PCNX1: variants seen among roughly 807,000 people sequenced by gnomAD.
PCNX1 encodes the protein pecanex-like protein 1.
Under a neutral mutation model 242.2 loss-of-function variants are expected in PCNX1, and 78 were observed. The observed-to-expected ratio is 0.32, with a 90% CI of 0.27 to 0.39. PCNX1 has a LOEUF of 0.39. PCNX1 is among the 10% of genes least tolerant of loss of function. The probability of loss-of-function intolerance (pLI) is 1.00; values close to 1 mark genes in which losing one functional copy is unlikely to be tolerated. For synonymous variants in PCNX1, 1,024 were observed against 1,032.9 expected (o/e 0.99, Z 0.17); for missense variants, 2,581 against 2,856.5 (o/e 0.90, Z 2.20).
rs2060906960 is a variant in PCNX1 at position 71,047,832 on chromosome 14, G to A, written c.4186G>A (p.Ala1396Thr). ...ATTAGGTGCTTTAATGATCACTGTT[G>A]CTGGTTTGAAGTTGCTACGATCCTC... ...TELGALMITV[A>T]GLKLLRSSFS... Residue 1396 changes from alanine (A) to threonine (T), a missense_variant, in exon 22 of 36, where the codon GCT becomes ACT. Ala to Thr is a moderately conservative substitution (Grantham distance 58). Coordinates refer to ENST00000304743, the MANE Select transcript of PCNX1 (RefSeq NM_014982.3). 3.1e-6 allele frequency: 5 copies of A among 1,612,318 alleles called. No homozygotes were observed. Among genetic ancestry groups the A allele is most frequent in the Non-Finnish European group, 4.2e-6 (5 of 1,178,852 alleles).
At chr14:70,938,836 C>T (rs1173467500) in intron 1 of PCNX1, among the ~76,000 whole-genome samples, 2 of 152,144 alleles carry the variant, frequency 1.3e-5, no homozygotes, top group African/African-American at 4.8e-5. Flanking sequence ...AGGGATTCAA[C>T]TTCTTCCTGA....
intron 30 of PCNX1, among the ~76,000 whole-genome samples, chr14:71,092,188 G>A (rs957741252): frequency 1.3e-5 from 2 of 152,216 alleles, no homozygotes; most frequent in Non-Finnish European, 2.9e-5. Flanking sequence ...TTAAGGACAA[G>A]TGTGGAAAAA....
In PCNX1 at chr14:70,949,256, C is replaced by T. The variant is rs573461171; in HGVS notation, c.362+2133C>T. On this transcript the variant is annotated intron_variant, in intron 2 of 35. Coordinates refer to ENST00000304743, the MANE Select transcript of PCNX1 (RefSeq NM_014982.3). ...ATGTGTATATACACACGTGTATACA[C>T]ACACACGTGTATGCACACACGTGTA... 9.8e-3 allele frequency among the ~76,000 whole-genome samples: 233 copies of T among 23,846 alleles called. 1 individual carries two copies. The highest frequency in any genetic ancestry group is 0.026 in the African/African-American group (214 of 8,096). The allele number at this position is 23,846 out of a possible 152,430, so 15.6% of individuals were successfully genotyped here.
At chr14:71,005,294 A>G (rs768739725) in intron 8 of PCNX1, among the ~76,000 whole-genome samples, 1 of 152,144 alleles carries the variant, frequency 6.6e-6, no homozygotes, top group Non-Finnish European at 1.5e-5. Flanking sequence ...ACTTAGGCCC[A>G]GGAATTCGAG....
rs1393141265 is a variant in PCNX1 at position 71,111,621 on chromosome 14, T to C, written c.*1686T>C. ...CAATTCTGATGTAGATCTCACATTA[T>C]AGCATAACATTACAGTAGAAGGAAT... On this transcript the variant is annotated 3_prime_UTR_variant, in exon 36 of 36. Coordinates refer to ENST00000304743, the MANE Select transcript of PCNX1 (RefSeq NM_014982.3). 6.6e-6 allele frequency: 1 copy of C among 151,692 alleles called. No individual in the cohort carries two copies. The highest frequency in any genetic ancestry group is 1.5e-5 in the Non-Finnish European group (1 of 67,854). 9.4% of individuals were successfully genotyped at this position (151,692 alleles called of 1,614,324 possible).
chr14:71,050,833 AC>A, intron 23 of PCNX1, 73 bp downstream of exon 23: 1 of 1,352,354 alleles, frequency 7.4e-7, no homozygotes. Context: ...TATAGGCATG[AC>A]CTTTCATGGT....
At chr14:70,947,625 G>A (rs922090819) in intron 2 of PCNX1, among the ~76,000 whole-genome samples, 1 of 152,088 alleles carries the variant, frequency 6.6e-6, no homozygotes, top group African/African-American at 2.4e-5. Flanking sequence ...AGCTGAGGAT[G>A]TATCTCGTCT....
chr14:70,945,160 G>A (rs574460851), intron 1 of PCNX1, among the ~76,000 whole-genome samples: 1 of 152,214 alleles, frequency 6.6e-6, no homozygotes, highest in East Asian at 1.9e-4. Context: ...CTATCCAGGA[G>A]TCCCCAGGCA....
intron 7 of PCNX1, among the ~76,000 whole-genome samples, chr14:70,994,402 T>G (rs1292692586): frequency 9.7e-5 from 4 of 41,180 alleles, no homozygotes; most frequent in South Asian, 5.8e-4. Flanking sequence ...TTAAGATATA[T>G]ATATATATAT....
intron 5 of PCNX1, 34 bp from the exon 6 acceptor site, chr14:70,976,908 T>C: frequency 6.3e-7 from 1 of 1,576,520 alleles, no homozygotes. Context: ...ATCATACATT[T>C]ATTTTAACAT....
At chr14:71,043,709 T>C (rs1406727321) in intron 19 of PCNX1, among the ~76,000 whole-genome samples, 2 of 152,216 alleles carry the variant, frequency 1.3e-5, no homozygotes, top group East Asian at 3.8e-4. Flanking sequence ...GTTGAGTTTC[T>C]CATTTAGGTC....
intron 26 of PCNX1, among the ~76,000 whole-genome samples, chr14:71,071,922 AGAGG>A (rs1360216293): frequency 6.6e-6 from 1 of 152,178 alleles, no homozygotes; most frequent in Non-Finnish European, 1.5e-5. Flanking sequence ...AGGCCTGAAA[AGAGG>A]GAGAGGTAGG....
At chr14:71,082,510 A>G (rs1348823496) in intron 28 of PCNX1, among the ~76,000 whole-genome samples, 4 of 152,106 alleles carry the variant, frequency 2.6e-5, no homozygotes, top group African/African-American at 9.7e-5. Flanking sequence ...TAGGTCTCTA[A>G]GGACTTGCTT....
intron 1 of PCNX1, among the ~76,000 whole-genome samples, chr14:70,939,414 T>C (rs2057142261): frequency 6.6e-6 from 1 of 152,232 alleles, no homozygotes; most frequent in Non-Finnish European, 1.5e-5. Context: ...AGGAGCAGGT[T>C]GTACAGTTTC....
chr14:70,973,873 A>G (rs1170988754), intron 5 of PCNX1, among the ~76,000 whole-genome samples: 1 of 152,044 alleles, frequency 6.6e-6, no homozygotes, highest in Non-Finnish European at 1.5e-5. Context: ...CTTTGATATA[A>G]TTCAGTGGTT....
At chr14:71,037,723 C>G (rs574109537) in intron 19 of PCNX1, among the ~76,000 whole-genome samples, 3 of 151,972 alleles carry the variant, frequency 2.0e-5, no homozygotes, top group Non-Finnish European at 4.4e-5. Context: ...GAAAAAACTA[C>G]TTTAAAGTTC....
chr14:71,109,320 A>G, intron 34 of PCNX1, 132 bp from the exon 35 acceptor site: 1 of 884,038 alleles, frequency 1.1e-6, no homozygotes, highest in Middle Eastern at 3.5e-4. Flanking sequence ...GTAGCTCTTA[A>G]GATTTTTTTT....
At position 70,978,335 on chromosome 14, in the gene PCNX1, T is replaced by C; in HGVS notation, c.1998T>C (p.Pro666=). The C allele has an allele frequency of 1.2e-6, 2 of 1,614,136 alleles. No homozygotes were observed. Among genetic ancestry groups the C allele is most frequent in the Non-Finnish European group, 8.5e-7 (1 of 1,180,028 alleles). ...SEHTHKAHLV[P]EGTSKKRATR... Reference sequence around the variant, plus strand: ...ACACACACAAAGCTCATTTGGTTCCTGAAGGAACCAGCAAAAAGCGTGCAA... The same window carrying C: ...ACACACACAAAGCTCATTTGGTTCCCGAAGGAACCAGCAAAAAGCGTGCAA... The change falls in exon 6 of 36, where the codon CCT becomes CCC. Residue 666 remains proline (P), a synonymous_variant. Transcript: ENST00000304743.
At chr14:71,036,903 A>G (rs1188663340) in intron 19 of PCNX1, among the ~76,000 whole-genome samples, 4 of 152,126 alleles carry the variant, frequency 2.6e-5, no homozygotes, top group Non-Finnish European at 5.9e-5. Flanking sequence ...CACGATATTT[A>G]TTCTTCCTAC....
Sources: allele counts gnomAD v4.1 joint callset (sites outside exome capture counted in the v4.1 genomes callset), GRCh38; gene constraint gnomAD v4.1.1; transcripts MANE v1.5; gene names NCBI Gene and HGNC (gene_info 2026-07-23, HGNC 2026-07-21).